Variants in LGSN observed in about 807,000 individuals in gnomAD.
The protein encoded by LGSN is lengsin.
A neutral mutation model predicts 19.5 loss-of-function variants in LGSN; 21 were observed. The ratio of observed to expected loss-of-function variants is 1.07; its 90% CI spans 0.76 to 1.55. The LOEUF (loss-of-function observed/expected upper bound fraction) is 1.55, where lower values mean the gene tolerates loss of function less well. Among genes scored for constraint, LGSN ranks in the 40% most tolerant of loss-of-function variants. LGSN has a pLI of 0.00. For missense variants in LGSN, 673 were observed against 608.5 expected (o/e 1.11, Z -1.12); for synonymous variants, 257 against 215.6 (o/e 1.19, Z -1.68).
the LGSN span, among the ~76,000 whole-genome samples, chr6:63,526,833 A>ATATATATATATATATATT: frequency 8.6e-5 from 11 of 128,030 alleles, no homozygotes; most frequent in African/African-American, 2.6e-4. Flanking sequence ...ATATATATAT[A>ATATATATATATATATATT]TATTTATTTA....
At chr6:63,445,273 T>G in the LGSN span, among the ~76,000 whole-genome samples, 5 of 152,096 alleles carry the variant, frequency 3.3e-5, no homozygotes, top group East Asian at 9.7e-4. Flanking sequence ...ATCGCGTCAT[T>G]GCACTCCATC....
At chr6:63,541,876 G>A in the LGSN span, among the ~76,000 whole-genome samples, 1 of 152,044 alleles carries the variant, frequency 6.6e-6, no homozygotes, top group African/African-American at 2.4e-5. Flanking sequence ...TCTGTACTAT[G>A]TCATTTCCAT....
the LGSN span, among the ~76,000 whole-genome samples, chr6:63,502,779 T>TA: frequency 6.6e-6 from 1 of 152,198 alleles, no homozygotes; most frequent in African/African-American, 2.4e-5. Context: ...CTGGGAGGAT[T>TA]CAAGTCAAAT....
the LGSN span, among the ~76,000 whole-genome samples, chr6:63,480,968 T>G: frequency 5.6e-4 from 18 of 32,050 alleles, 1 homozygote; most frequent in Admixed American, 8.4e-4. Context: ...TATATATATA[T>G]ATATATATAT....
At chr6:63,320,521 C>T (rs1047046106), upstream of LGSN, among the ~76,000 whole-genome samples, 1 of 152,228 alleles carries the variant, frequency 6.6e-6, no homozygotes, top group Non-Finnish European at 1.5e-5. Context: ...TTTTCCAATT[C>T]TCCGATGTCA....
the LGSN span, among the ~76,000 whole-genome samples, chr6:63,438,060 T>C: frequency 6.6e-6 from 1 of 152,208 alleles, no homozygotes; most frequent in Non-Finnish European, 1.5e-5. Flanking sequence ...GTCTACATTG[T>C]ACTAAAGACT....
the LGSN span, among the ~76,000 whole-genome samples, chr6:63,463,637 G>C: frequency 6.6e-6 from 1 of 152,220 alleles, no homozygotes; most frequent in South Asian, 2.1e-4. Context: ...GCATATTTAT[G>C]AGGCATGATA....
At chr6:63,545,664 T>C in the LGSN span, among the ~76,000 whole-genome samples, 1 of 152,216 alleles carries the variant, frequency 6.6e-6, no homozygotes, top group Non-Finnish European at 1.5e-5. Flanking sequence ...GTACTTTTCC[T>C]GCCCCAGCCC....
At chr6:63,543,698 C>A in the LGSN span, among the ~76,000 whole-genome samples, 1 of 152,058 alleles carries the variant, frequency 6.6e-6, no homozygotes, top group Non-Finnish European at 1.5e-5. Context: ...AGAAATAAAC[C>A]CTAATCTTTA....
chr6:63,444,646 G>C, the LGSN span, among the ~76,000 whole-genome samples: 75 of 152,276 alleles, frequency 4.9e-4, no homozygotes, highest in African/African-American at 1.7e-3. Flanking sequence ...CTAGGGACCT[G>C]AGAAGCAGGA....
At chr6:63,486,404 C>CCTAG in the LGSN span, among the ~76,000 whole-genome samples, 1 of 152,210 alleles carries the variant, frequency 6.6e-6, no homozygotes, top group Admixed American at 6.5e-5. Context: ...GGTCAGTTTG[C>CCTAG]CAAACTTCCA....
the LGSN span, chr6:63,549,078 G>A: frequency 1.4e-6 from 1 of 714,380 alleles, no homozygotes; most frequent in South Asian, 1.5e-5. Flanking sequence ...TAGCAAGGTG[G>A]TGATGGTGTT....
chr6:63,280,691 G>A lies in LGSN; in HGVS notation c.860C>T (p.Thr287Ile). The A allele has an allele frequency of 6.2e-7, 1 of 1,614,076 alleles. No individual in the cohort carries two copies. Among genetic ancestry groups the A allele is most frequent in the Non-Finnish European group, 8.5e-7 (1 of 1,180,012 alleles). ...TTTCCTTGCCACTTCTTTGACACCT[G>A]TTCTGAGGGTAAATGCATTATCAGC... ...SSADNAFTLRTGVKEVARKYN... is the reference protein window; with the variant it reads ...SSADNAFTLRIGVKEVARKYN... The change falls in exon 4 of 4, where the codon ACA (threonine) becomes ATA (isoleucine). Residue 287 changes from threonine to isoleucine, a missense_variant. Coordinates refer to ENST00000370657, the MANE Select transcript of LGSN (RefSeq NM_016571.3).
chr6:63,368,031 G>A, the LGSN span, among the ~76,000 whole-genome samples: 1 of 151,122 alleles, frequency 6.6e-6, no homozygotes, highest in African/African-American at 2.4e-5. Flanking sequence ...CATGGCACAT[G>A]TATACATATG....
chr6:63,364,533 A>G, the LGSN span, among the ~76,000 whole-genome samples: 1 of 152,212 alleles, frequency 6.6e-6, no homozygotes, highest in Non-Finnish European at 1.5e-5. Context: ...TCAACAAGAC[A>G]GAAAGTTAAC....
the LGSN span, among the ~76,000 whole-genome samples, chr6:63,540,415 G>A: frequency 6.6e-6 from 1 of 152,132 alleles, no homozygotes; most frequent in African/African-American, 2.4e-5. Flanking sequence ...GAGGTCAGGA[G>A]TTTGAGACCA....
chr6:63,397,885 A>T, the LGSN span, among the ~76,000 whole-genome samples: 3 of 152,160 alleles, frequency 2.0e-5, no homozygotes, highest in African/African-American at 7.2e-5. Flanking sequence ...GGTTGCAATG[A>T]GACAAGATCA....
the LGSN span, among the ~76,000 whole-genome samples, chr6:63,521,000 G>A: frequency 5.3e-5 from 8 of 152,002 alleles, no homozygotes; most frequent in South Asian, 2.1e-4. Flanking sequence ...ACCAAACACC[G>A]CATGGTCTCA....
intron 1 of LGSN, 28 bp downstream of exon 1, chr6:63,319,886 A>G (rs757191556): frequency 6.4e-7 from 1 of 1,556,514 alleles, no homozygotes. Context: ...TATTTTGGTT[A>G]AAAACATTTT....
Sources: gnomAD v4.1 joint callset for allele counts (sites outside exome capture counted in the v4.1 genomes callset) on GRCh38, gnomAD v4.1.1 for gene constraint, MANE v1.5 for transcripts, NCBI Gene and HGNC (gene_info 2026-07-23, HGNC 2026-07-21) for gene names.